CNOT6L: variants seen among roughly 807,000 people sequenced by gnomAD.
CNOT6L encodes the protein CCR4-NOT transcription complex subunit 6-like.
In CNOT6L, 7 loss-of-function variants were observed where a neutral mutation model predicts 64.0. The observed-to-expected ratio is 0.11, with a 90% confidence interval of 0.06 to 0.21. The LOEUF (loss-of-function observed/expected upper bound fraction) is 0.21. Ranked by LOEUF, CNOT6L falls within the 10% of genes least tolerant of loss-of-function variation. CNOT6L has a pLI of 1.00. For missense variants in CNOT6L, 245 were observed against 669.0 expected (o/e 0.37, Z 6.99); for synonymous variants, 193 against 243.4 (o/e 0.79, Z 1.93).
intron 8 of CNOT6L, among the ~76,000 whole-genome samples, chr4:77,739,124 T>G (rs527284533): frequency 5.7e-4 from 87 of 152,348 alleles, no homozygotes; most frequent in African/African-American, 2.0e-3. Flanking sequence ...TAAACAATAC[T>G]CTATCCTTTC....
chr4:77,720,302 A>G lies in CNOT6L; in HGVS notation c.*129T>C. Reference sequence around the variant, plus strand: ...TGCACAAAAATGTACAAAGTCTTACAGCAAACACATAATGAAAGAAACCTG... The same window carrying G: ...TGCACAAAAATGTACAAAGTCTTACGGCAAACACATAATGAAAGAAACCTG... On this transcript the variant is annotated 3_prime_UTR_variant, in exon 12 of 12. Coordinates refer to ENST00000504123, the MANE Select transcript of CNOT6L (RefSeq NM_144571.3). 9.8e-7 allele frequency: 1 copy of G among 1,025,422 alleles called. No individual in the cohort carries two copies. Among genetic ancestry groups the G allele is most frequent in the Non-Finnish European group, 1.4e-6 (1 of 692,684 alleles). The allele number at this position is 1,025,422 out of a possible 1,614,324, so 63.5% of individuals were successfully genotyped here. A position where few individuals can be genotyped will look rare whatever the true frequency, so the allele number is the denominator to read the frequency against.
chr4:77,776,169 T>C, intron 2 of CNOT6L, 102 bp downstream of exon 2: 1 of 1,135,288 alleles, frequency 8.8e-7, no homozygotes, highest in Non-Finnish European at 1.3e-6. Flanking sequence ...AGTTTTTCAA[T>C]GAGTCCATCT....
intron 8 of CNOT6L, 131 bp downstream of exon 8, chr4:77,742,008 AAC>A: frequency 2.7e-6 from 2 of 732,202 alleles, no homozygotes; most frequent in Non-Finnish European, 4.4e-6. Flanking sequence ...AAACATTAAC[AAC>A]AGTTTTAAGT....
At chr4:77,735,851 TAA>T (rs1177514170) in intron 8 of CNOT6L, among the ~76,000 whole-genome samples, 1 of 152,226 alleles carries the variant, frequency 6.6e-6, no homozygotes, top group Non-Finnish European at 1.5e-5. Context: ...TTCTTTTTCT[TAA>T]GTTTCTTAGT....
chr4:77,819,491 GA>G, upstream of CNOT6L: 1 of 1,310,166 alleles, frequency 7.6e-7, no homozygotes, highest in Non-Finnish European at 1.0e-6. Context: ...GCCCCGAGGG[GA>G]AGCCGCGGCG....
chr4:77,733,790 A>C lies in CNOT6L; in HGVS notation c.873-2252T>G, dbSNP rs549535622. On this transcript the variant is annotated intron_variant, in intron 8 of 11. Coordinates refer to ENST00000504123, the MANE Select transcript of CNOT6L (RefSeq NM_144571.3). The stretch of plus-strand genomic sequence containing the variant: ...TAGATCTTTTCAAGAATATACATTA[A>C]ATCTAATTTCTCTTCCAAATGACAC... Among the ~76,000 whole-genome samples, 70 of 152,148 alleles carry C rather than the reference A, an allele frequency of 4.6e-4. 1 individual carries two copies. The South Asian group carries it at 0.013, about 29-fold the overall frequency.
chr4:77,807,596 A>T (rs1205614138), intron 1 of CNOT6L, among the ~76,000 whole-genome samples: 1 of 152,206 alleles, frequency 6.6e-6, no homozygotes, highest in Non-Finnish European at 1.5e-5. Flanking sequence ...CATAAAGTAT[A>T]AGGTATTGTA....
At chr4:77,726,825 A>G (rs1301137920) in intron 10 of CNOT6L, among the ~76,000 whole-genome samples, 1 of 152,238 alleles carries the variant, frequency 6.6e-6, no homozygotes, top group Non-Finnish European at 1.5e-5. Context: ...ACAAAAACAG[A>G]TTTTGCATCT....
intron 1 of CNOT6L, among the ~76,000 whole-genome samples, chr4:77,814,920 TGTA>T (rs1337151354): frequency 1.3e-5 from 2 of 152,188 alleles, no homozygotes; most frequent in African/African-American, 4.8e-5. Context: ...AAAAGAAAGT[TGTA>T]GTATTTTCAT....
chr4:77,721,602 G>A (rs890400224), intron 11 of CNOT6L, among the ~76,000 whole-genome samples: 5 of 152,090 alleles, frequency 3.3e-5, no homozygotes, highest in Non-Finnish European at 7.4e-5. Flanking sequence ...TTTTTATTGT[G>A]AGATTTTGGA....
chr4:77,755,969 T>TTTTTTG (rs1233436243), intron 5 of CNOT6L, among the ~76,000 whole-genome samples: 1 of 151,958 alleles, frequency 6.6e-6, no homozygotes, highest in Non-Finnish European at 1.5e-5. Context: ...ATAGTCTTCT[T>TTTTTTG]TTTTTGTTTT....
chr4:77,819,549 C>T, upstream of CNOT6L: 1 of 493,616 alleles, frequency 2.0e-6, no homozygotes, highest in Non-Finnish European at 3.2e-6. Context: ...GCGCAGGGAA[C>T]CCGGGCCCGG....
At chr4:77,732,630 A>C (rs1722569940) in intron 8 of CNOT6L, among the ~76,000 whole-genome samples, 1 of 152,090 alleles carries the variant, frequency 6.6e-6, no homozygotes, top group Non-Finnish European at 1.5e-5. Flanking sequence ...TTATGTGCCT[A>C]TTTCTAACCC....
rs60507607 is a variant in CNOT6L, at chr4:77,751,587, G to C, written c.491-3203C>G. 1.8e-3 allele frequency among the ~76,000 whole-genome samples: 271 copies of C among 152,214 alleles called. 2 individuals carry two copies. Among genetic ancestry groups the C allele is most frequent in the African/African-American group, 5.4e-3 (226 of 41,562 alleles). On this transcript the variant is annotated intron_variant, in intron 5 of 11. Coordinates refer to ENST00000504123, the MANE Select transcript of CNOT6L (RefSeq NM_144571.3). ...ATATCAAGAGCCCAAAGAAATCCATGCTAAGACAGATCGTAACTAAACTTC... is the reference window on the plus strand; with the variant it reads ...ATATCAAGAGCCCAAAGAAATCCATCCTAAGACAGATCGTAACTAAACTTC...
intron 1 of CNOT6L, among the ~76,000 whole-genome samples, chr4:77,806,217 G>A (rs1396316236): frequency 6.6e-6 from 1 of 152,056 alleles, no homozygotes; most frequent in Non-Finnish European, 1.5e-5. Context: ...CCTGAGATTG[G>A]GAGTTCGAGA....
chr4:77,754,746 C>T (rs1331602404), intron 5 of CNOT6L, among the ~76,000 whole-genome samples: 1 of 151,176 alleles, frequency 6.6e-6, no homozygotes, highest in East Asian at 1.9e-4. Flanking sequence ...AGAAATAGAC[C>T]TACACATACA....
At position 77,764,787 on chromosome 4, in the gene CNOT6L, C is replaced by T. The variant is rs1304241548; in HGVS notation, c.401-7836G>A. Among the ~76,000 whole-genome samples the T allele has an allele frequency of 9.9e-5, 15 of 152,230 alleles. No individual in the cohort carries two copies. In the East Asian group the frequency reaches 2.5e-3, roughly 25 times the overall value. Reference sequence around the variant, plus strand: ...CTCTCTACCCCAAATACAAGAGACCCTAAAAGTTAGAAAGGAATATCATCG... The same window carrying T: ...CTCTCTACCCCAAATACAAGAGACCTTAAAAGTTAGAAAGGAATATCATCG... On this transcript the variant is annotated intron_variant, in intron 4 of 11. Transcript: ENST00000504123.
intron 1 of CNOT6L, among the ~76,000 whole-genome samples, chr4:77,807,123 C>T (rs1437866526): frequency 2.6e-5 from 4 of 151,904 alleles, no homozygotes; most frequent in African/African-American, 7.2e-5. Context: ...GATCCGCCTG[C>T]CTTGGTTAGC....
chr4:77,745,685 C>T (rs971120620), intron 6 of CNOT6L, among the ~76,000 whole-genome samples: 30 of 152,078 alleles, frequency 2.0e-4, no homozygotes, highest in Admixed American at 6.6e-5. Context: ...ACTTTGTAGA[C>T]CTTATAAAGA....
Sources: allele counts gnomAD v4.1 joint callset (sites outside exome capture counted in the v4.1 genomes callset), GRCh38; gene constraint gnomAD v4.1.1; transcripts MANE v1.5; gene names NCBI Gene and HGNC (gene_info 2026-07-23, HGNC 2026-07-21).